The following EPHA6 variants were observed in gnomAD, a reference collection of about 807,000 sequenced individuals.
EPHA6 encodes EPH receptor A6, also known as ephrin type-A receptor 6.
In EPHA6, 50 loss-of-function variants were observed where a neutral mutation model predicts 112.0. The observed-to-expected ratio is 0.45, with a 90% CI of 0.36 to 0.56. The LOEUF (loss-of-function observed/expected upper bound fraction) is 0.56. Ranked by LOEUF, EPHA6 falls within the 20% of genes least tolerant of loss-of-function variation. EPHA6 has a pLI of 0.00. For synonymous variants in EPHA6, 529 were observed against 490.7 expected, an observed-to-expected ratio of 1.08 and a Z score of -1.03; for missense variants, 1,280 against 1,417.4, an observed-to-expected ratio of 0.90 and a Z score of 1.56.
At chr3:97,667,635 T>A (rs1172331709) in intron 14 of EPHA6, among the ~76,000 whole-genome samples, 1 of 152,220 alleles carries the variant, frequency 6.6e-6, no homozygotes, top group Non-Finnish European at 1.5e-5. Context: ...TTGAACATCT[T>A]TATATCTAAG....
At chr3:97,527,248 T>G (rs1357827518) in intron 10 of EPHA6, among the ~76,000 whole-genome samples, 2 of 152,036 alleles carry the variant, frequency 1.3e-5, no homozygotes, top group Non-Finnish European at 2.9e-5. Flanking sequence ...ATGGGGTTAT[T>G]TATGGGTCTG....
intron 10 of EPHA6, among the ~76,000 whole-genome samples, chr3:97,515,647 A>G (rs953848775): frequency 6.6e-6 from 1 of 152,198 alleles, no homozygotes; most frequent in African/African-American, 2.4e-5. Flanking sequence ...CTAGGTCACA[A>G]AAACATTCTA....
intron 14 of EPHA6, among the ~76,000 whole-genome samples, chr3:97,663,329 T>C (rs990278371): frequency 6.6e-6 from 1 of 152,056 alleles, no homozygotes; most frequent in African/African-American, 2.4e-5. Flanking sequence ...TTTTTTCTTT[T>C]TTTATATATA....
chr3:97,457,295 G>A lies in EPHA6; in HGVS notation c.1894+8565G>A, dbSNP rs529836263. Among the ~76,000 whole-genome samples the A allele has an allele frequency of 2.9e-3, 435 of 152,208 alleles. 4 individuals are homozygous for A. Among genetic ancestry groups the A allele is most frequent in the African/African-American group, 0.01 (420 of 41,542 alleles). ...GATGATATATAAATGTGGTTCTTAC[G>A]GGGAAAGGGTAGAAACACATGATGC... is the stretch of plus-strand genomic sequence containing the variant. On this transcript the variant is annotated intron_variant, in intron 7 of 17. Coordinates refer to ENST00000389672, the MANE Select transcript of EPHA6 (RefSeq NM_001080448.3).
intron 3 of EPHA6, among the ~76,000 whole-genome samples, chr3:97,205,773 AT>A (rs966787891): frequency 2.6e-5 from 4 of 152,044 alleles, no homozygotes; most frequent in African/African-American, 9.7e-5. Context: ...AGCAATGAAA[AT>A]TTTTGTGGGC....
rs182104263 is a variant in EPHA6, at chr3:97,304,171, G to A, written c.1606+59884G>A. ...AGACAATGGGGTTTTCTAGACATAG[G>A]ATAATGTCATCTGCAAACAGAGACA... On this transcript the variant is annotated intron_variant, in intron 5 of 17. Coordinates refer to ENST00000389672, the MANE Select transcript of EPHA6 (RefSeq NM_001080448.3). Among the ~76,000 whole-genome samples the A allele has an allele frequency of 2.9e-3, 446 of 151,968 alleles. 1 individual carries two copies. The highest frequency in any genetic ancestry group is 8.3e-3 in the African/African-American group (343 of 41,470).
chr3:97,611,909 A>G (rs1322319083), intron 13 of EPHA6, among the ~76,000 whole-genome samples: 1 of 151,754 alleles, frequency 6.6e-6, no homozygotes, highest in Non-Finnish European at 1.5e-5. Context: ...TCTTCTTCCA[A>G]CTGCTCTGAA....
At chr3:97,540,274 A>T (rs1385218556) in intron 11 of EPHA6, among the ~76,000 whole-genome samples, 1 of 152,166 alleles carries the variant, frequency 6.6e-6, no homozygotes, top group East Asian at 1.9e-4. Flanking sequence ...TTTACTGGGA[A>T]CTATTTGCCA....
intron 2 of EPHA6, among the ~76,000 whole-genome samples, chr3:96,941,991 G>C (rs1000387891): frequency 2.0e-5 from 3 of 152,206 alleles, no homozygotes; most frequent in African/African-American, 7.2e-5. Context: ...TCTCAGAGGA[G>C]TATGCAGTCG....
At chr3:96,983,058 G>A (rs1278700455) in intron 2 of EPHA6, among the ~76,000 whole-genome samples, 1 of 151,994 alleles carries the variant, frequency 6.6e-6, no homozygotes, top group Non-Finnish European at 1.5e-5. Flanking sequence ...TTACATTTAA[G>A]GTTAATATTG....
chr3:96,879,082 G>A (rs2037147558), intron 2 of EPHA6, among the ~76,000 whole-genome samples: 5 of 151,846 alleles, frequency 3.3e-5, no homozygotes, highest in Admixed American at 3.3e-4. Flanking sequence ...TCTATTATTA[G>A]GTTTAAGACT....
intron 1 of EPHA6, among the ~76,000 whole-genome samples, chr3:96,846,469 T>A (rs1576127061): frequency 6.6e-6 from 1 of 152,070 alleles, no homozygotes; most frequent in Admixed American, 6.6e-5. Context: ...AATCTTTATG[T>A]TACATTTTGA....
intron 1 of EPHA6, among the ~76,000 whole-genome samples, chr3:96,846,610 C>T (rs1255822544): frequency 2.0e-5 from 3 of 151,942 alleles, no homozygotes; most frequent in Non-Finnish European, 4.4e-5. Context: ...AGAATAGATG[C>T]GCAATAGCTT....
chr3:96,843,466 C>G (rs1372035993), intron 1 of EPHA6, among the ~76,000 whole-genome samples: 2 of 151,956 alleles, frequency 1.3e-5, no homozygotes, highest in Non-Finnish European at 1.5e-5. Context: ...AGAACCCTTT[C>G]TTTAAGGAAG....
intron 10 of EPHA6, among the ~76,000 whole-genome samples, chr3:97,515,688 T>C (rs1212394088): frequency 6.6e-6 from 1 of 152,102 alleles, no homozygotes; most frequent in Non-Finnish European, 1.5e-5. Context: ...TTTGAAAAGT[T>C]GAAACTATGA....
intron 4 of EPHA6, among the ~76,000 whole-genome samples, chr3:97,240,033 A>G (rs1269993839): frequency 6.6e-6 from 1 of 151,840 alleles, no homozygotes; most frequent in African/African-American, 2.4e-5. Flanking sequence ...ATCTGAATAT[A>G]CTGATATGGT....
intron 3 of EPHA6, among the ~76,000 whole-genome samples, chr3:97,151,168 C>T (rs1376753588): frequency 6.6e-6 from 1 of 152,014 alleles, no homozygotes; most frequent in Non-Finnish European, 1.5e-5. Context: ...TTTATCTATT[C>T]CTAAAATACT....
chr3:96,894,747 C>T (rs1238326932), intron 2 of EPHA6, among the ~76,000 whole-genome samples: 1 of 151,854 alleles, frequency 6.6e-6, no homozygotes, highest in Non-Finnish European at 1.5e-5. Context: ...ACATTGAGGA[C>T]CTCTTATAGG....
chr3:96,843,250 T>C (rs2034858109), intron 1 of EPHA6, among the ~76,000 whole-genome samples: 1 of 152,118 alleles, frequency 6.6e-6, no homozygotes, highest in African/African-American at 2.4e-5. Flanking sequence ...ACTGTTACTT[T>C]ACCTATTAAC....
Sources: gnomAD v4.1 joint callset for allele counts (sites outside exome capture counted in the v4.1 genomes callset) on GRCh38, gnomAD v4.1.1 for gene constraint, MANE v1.5 for transcripts, NCBI Gene and HGNC (gene_info 2026-07-23, HGNC 2026-07-21) for gene names.